The following MYO1E variants were observed in gnomAD, a reference collection of about 807,000 sequenced individuals.
MYO1E encodes myosin IE.
In MYO1E, 68 loss-of-function variants were observed where a neutral mutation model predicts 151.1. The observed-to-expected ratio is 0.45, with a 90% CI of 0.37 to 0.55. The LOEUF (loss-of-function observed/expected upper bound fraction) is 0.55, where lower values mean the gene tolerates loss of function less well. Ranked by LOEUF, MYO1E falls within the 20% of genes least tolerant of loss-of-function variation. The pLI is 0.00. For missense variants in MYO1E, 1,363 were observed against 1,389.3 expected, an observed-to-expected ratio of 0.98 and a Z score of 0.30; for synonymous variants, 601 against 501.7, an observed-to-expected ratio of 1.20 and a Z score of -2.64.
intron 16 of MYO1E, among the ~76,000 whole-genome samples, chr15:59,198,337 G>A (rs2079780302): frequency 6.6e-6 from 1 of 152,206 alleles, no homozygotes; most frequent in African/African-American, 2.4e-5. Context: ...GGCTCAGGGT[G>A]AAAGCTCCTC....
At position 59,171,902 on chromosome 15, in the gene MYO1E, G is replaced by T. The variant is rs757364971; in HGVS notation, c.2475C>A (p.Ser825=). Residue 825 remains serine (S), a synonymous_variant, in exon 22 of 28, where the codon TCC becomes TCA. Transcript: ENST00000288235. ...KIEIERILSV[S]LSTMQDDIFI... is the part of the protein sequence containing the mutation. ...TCTGCACCTCCACTACTCACCTGAG[G>T]GACACAGACAAGATCCGTTCTATCT... 188 of 1,614,048 alleles carry T rather than the reference G, an allele frequency of 1.2e-4. No individual in the cohort carries two copies. The highest frequency in any genetic ancestry group is 1.3e-4 in the Non-Finnish European group (156 of 1,180,030).
At chr15:59,156,440 C>G (rs1596345001) in intron 25 of MYO1E, among the ~76,000 whole-genome samples, 1 of 152,368 alleles carries the variant, frequency 6.6e-6, no homozygotes, top group East Asian at 1.9e-4. Context: ...TCGTCTTGGT[C>G]TCCCAAAGTG....
chr15:59,270,461 T>C (rs539282406), intron 2 of MYO1E, among the ~76,000 whole-genome samples: 1 of 148,950 alleles, frequency 6.7e-6, no homozygotes, highest in African/African-American at 2.5e-5. Flanking sequence ...GAAGATCACC[T>C]GAGCCGGGGA....
chr15:59,202,196 C>T, intron 16 of MYO1E, 130 bp downstream of exon 16: 1 of 784,320 alleles, frequency 1.3e-6, no homozygotes, highest in Non-Finnish European at 2.2e-6. Context: ...AGCGATGTTA[C>T]TTCTGGGCAT....
chr15:59,140,160 A>G (rs1213664989), intron 26 of MYO1E, among the ~76,000 whole-genome samples: 1 of 151,648 alleles, frequency 6.6e-6, no homozygotes, highest in Non-Finnish European at 1.5e-5. Context: ...TACCAGTGAC[A>G]CTCCCTTCAC....
intron 16 of MYO1E, among the ~76,000 whole-genome samples, chr15:59,198,903 G>A (rs1204560986): frequency 6.6e-6 from 1 of 151,764 alleles, no homozygotes; most frequent in Non-Finnish European, 1.5e-5. Context: ...CCTCTGTCAT[G>A]TCCCTTATAG....
chr15:59,136,888 C>G lies in MYO1E; in HGVS notation c.*492G>C, dbSNP rs974580242. On this transcript the variant is annotated 3_prime_UTR_variant, in exon 28 of 28. Coordinates refer to ENST00000288235, the MANE Select transcript of MYO1E (RefSeq NM_004998.4). ...CACGTACATGGGAAGTGCCTGCTCA[C>G]GCTAAGCCCAGTCTGCAGAGGGCGG... 6 of 402,048 alleles carry G rather than the reference C, an allele frequency of 1.5e-5. No homozygotes were observed. Among genetic ancestry groups the G allele is most frequent in the Non-Finnish European group, 2.5e-5 (5 of 199,932 alleles). 24.9% of individuals were successfully genotyped at this position (402,048 alleles called of 1,614,324 possible). A position where few individuals can be genotyped will look rare whatever the true frequency, so the allele number is the denominator to read the frequency against.
At chr15:59,324,337 A>G (rs191628947) in intron 1 of MYO1E, among the ~76,000 whole-genome samples, 1 of 152,228 alleles carries the variant, frequency 6.6e-6, no homozygotes, top group Non-Finnish European at 1.5e-5. Flanking sequence ...AAGAAAATCA[A>G]TGACACTATC....
At chr15:59,237,119 G>C (rs891990000) in intron 4 of MYO1E, among the ~76,000 whole-genome samples, 27 of 151,970 alleles carry the variant, frequency 1.8e-4, no homozygotes, top group Non-Finnish European at 1.9e-4. Flanking sequence ...TTAAAAAAAA[G>C]ACTGGAACTA....
Position 59,258,963 on chromosome 15 carries a change from TG to T in MYO1E, c.237+2456del, listed in dbSNP as rs144734579. Reference sequence around the variant, plus strand: ...ACAATTCCCCTCTCTTGTTTTTTTTTGTTTTTGTTTTTAAATAGAGACAGGG... The same window carrying T: ...ACAATTCCCCTCTCTTGTTTTTTTTTTTTTTGTTTTTAAATAGAGACAGGG... On this transcript the variant is annotated intron_variant, in intron 3 of 27. Transcript: ENST00000288235. Among the ~76,000 whole-genome samples, 235 of 150,872 alleles carry T rather than the reference TG, an allele frequency of 1.6e-3. 4 individuals carry two copies. Among genetic ancestry groups the T allele is most frequent in the East Asian group, 0.014 (70 of 5,058 alleles).
intron 9 of MYO1E, among the ~76,000 whole-genome samples, chr15:59,221,009 A>AATATATATATAAAATTTATATATATATT (rs1555412273): frequency 3.5e-4 from 51 of 145,840 alleles, no homozygotes; most frequent in Non-Finnish European, 6.6e-4. Flanking sequence ...TTATATATAT[A>AATATATATATAAAATTTATATATATATT]ATATATATAT....
chr15:59,229,176 C>G (rs918965427), intron 6 of MYO1E, among the ~76,000 whole-genome samples: 1 of 152,200 alleles, frequency 6.6e-6, no homozygotes, highest in Non-Finnish European at 1.5e-5. Context: ...AACAGAACAT[C>G]TGACCCAGGA....
At chr15:59,345,058 T>C (rs544631912) in intron 1 of MYO1E, among the ~76,000 whole-genome samples, 2 of 152,068 alleles carry the variant, frequency 1.3e-5, no homozygotes, top group South Asian at 4.2e-4. Flanking sequence ...AGAAAAAACA[T>C]CAAGAAAGAA....
chr15:59,205,867 G>C (rs1296513700), intron 14 of MYO1E, among the ~76,000 whole-genome samples: 2 of 152,180 alleles, frequency 1.3e-5, no homozygotes. Flanking sequence ...AGCTAAGCCA[G>C]AGCAAAAGTG....
intron 2 of MYO1E, among the ~76,000 whole-genome samples, chr15:59,262,139 G>A (rs914079793): frequency 5.9e-5 from 9 of 151,996 alleles, no homozygotes; most frequent in Non-Finnish European, 7.4e-5. Context: ...CCCATGAGGC[G>A]GAGGTTGCAG....
intron 25 of MYO1E, among the ~76,000 whole-genome samples, chr15:59,154,498 T>G (rs762648415): frequency 4.6e-5 from 7 of 152,224 alleles, no homozygotes; most frequent in Non-Finnish European, 8.8e-5. Flanking sequence ...CCATGCTACG[T>G]ATGAAGAGGC....
intron 1 of MYO1E, among the ~76,000 whole-genome samples, chr15:59,289,406 T>C (rs1445617127): frequency 6.6e-6 from 1 of 152,202 alleles, no homozygotes; most frequent in Non-Finnish European, 1.5e-5. Flanking sequence ...CCAAATATTA[T>C]ATATGGGAGC....
At chr15:59,365,005 T>C (rs1046232690) in intron 1 of MYO1E, among the ~76,000 whole-genome samples, 5 of 151,902 alleles carry the variant, frequency 3.3e-5, no homozygotes, top group African/African-American at 1.2e-4. Flanking sequence ...GGGGGTACTT[T>C]GGGTGAATTA....
intron 4 of MYO1E, among the ~76,000 whole-genome samples, chr15:59,237,878 T>C (rs1034378210): frequency 1.3e-5 from 2 of 152,178 alleles, no homozygotes; most frequent in South Asian, 2.1e-4. Flanking sequence ...GCTGGCCATA[T>C]AGCGAAACTC....
Sources: gnomAD v4.1 joint callset for allele counts (sites outside exome capture counted in the v4.1 genomes callset) on GRCh38, gnomAD v4.1.1 for gene constraint, MANE v1.5 for transcripts, NCBI Gene and HGNC (gene_info 2026-07-23, HGNC 2026-07-21) for gene names.